The following ELP4 variants were observed in gnomAD, a reference collection of about 807,000 sequenced individuals.
The protein encoded by ELP4 is elongator acetyltransferase complex subunit 4.
A neutral mutation model predicts 48.9 loss-of-function variants in ELP4; 51 were observed. The observed-to-expected ratio is 1.04, with a 90% CI of 0.83 to 1.32. The LOEUF is 1.32. Among genes scored for constraint, ELP4 ranks in the 40% most tolerant of loss-of-function variants. The probability of loss-of-function intolerance (pLI) is 0.00; values close to 1 mark genes in which losing one functional copy is unlikely to be tolerated. For synonymous variants in ELP4, 210 were observed against 189.2 expected (o/e 1.11, Z -0.90); for missense variants, 519 against 514.6 (o/e 1.01, Z -0.08).
intron 9 of ELP4, chr11:31,763,422 C>A: frequency 1.2e-6 from 2 of 1,606,926 alleles, no homozygotes; most frequent in South Asian, 2.2e-5. Flanking sequence ...GGGTGCAAGA[C>A]AACTACTTGA....
intron 9 of ELP4, among the ~76,000 whole-genome samples, chr11:31,728,060 C>G (rs1317197745): frequency 6.6e-6 from 1 of 151,870 alleles, no homozygotes; most frequent in East Asian, 1.9e-4. Context: ...CCAAAAAAAG[C>G]ATATAAACAA....
chr11:31,597,398 A>G (rs1845756999), intron 4 of ELP4, among the ~76,000 whole-genome samples: 1 of 152,188 alleles, frequency 6.6e-6, no homozygotes, highest in South Asian at 2.1e-4. Context: ...AGGCCAGAAT[A>G]GAGGTTAGTC....
intron 9 of ELP4, among the ~76,000 whole-genome samples, chr11:31,703,204 C>T (rs1946563193): frequency 6.6e-6 from 1 of 152,130 alleles, no homozygotes; most frequent in Non-Finnish European, 1.5e-5. Context: ...CTAGGCCTTG[C>T]ACCAGTGGCA....
intron 9 of ELP4, among the ~76,000 whole-genome samples, chr11:31,684,587 A>G (rs1004603347): frequency 1.3e-5 from 2 of 152,210 alleles, no homozygotes; most frequent in African/African-American, 4.8e-5. Context: ...AGGACAGATC[A>G]TTGTAACCAA....
chr11:31,666,332 A>C (rs2134098682), intron 9 of ELP4, among the ~76,000 whole-genome samples: 1 of 152,210 alleles, frequency 6.6e-6, no homozygotes, highest in Non-Finnish European at 1.5e-5. Context: ...AATATTTTTA[A>C]AAATAGATTT....
chr11:31,716,286 T>G (rs1001825581), intron 9 of ELP4, among the ~76,000 whole-genome samples: 14 of 152,198 alleles, frequency 9.2e-5, no homozygotes, highest in African/African-American at 2.7e-4. Context: ...GTGCCGGGAT[T>G]GCAGGCACAA....
At chr11:31,722,787 C>T (rs1166695242) in intron 9 of ELP4, among the ~76,000 whole-genome samples, 5 of 151,934 alleles carry the variant, frequency 3.3e-5, no homozygotes, top group Non-Finnish European at 7.4e-5. Flanking sequence ...AGGTCATGCT[C>T]CTTCAGGCAC....
At chr11:31,755,669 T>A (rs1396277427) in intron 9 of ELP4, among the ~76,000 whole-genome samples, 1 of 151,408 alleles carries the variant, frequency 6.6e-6, no homozygotes, top group Non-Finnish European at 1.5e-5. Context: ...TGAGGAATTG[T>A]TATAGACTAG....
chr11:31,573,826 G>A (rs1957224469), intron 3 of ELP4, among the ~76,000 whole-genome samples: 1 of 149,592 alleles, frequency 6.7e-6, no homozygotes, highest in Non-Finnish European at 1.5e-5. Context: ...TCTCATTAGG[G>A]GATAGGACTT....
intron 2 of ELP4, among the ~76,000 whole-genome samples, chr11:31,524,039 T>C (rs1447168833): frequency 6.6e-6 from 1 of 152,178 alleles, no homozygotes; most frequent in African/African-American, 2.4e-5. Flanking sequence ...TTTTTTAAAA[T>C]AATCTTTTAC....
At chr11:31,765,014 C>T (rs1399417314) in intron 9 of ELP4, among the ~76,000 whole-genome samples, 1 of 152,118 alleles carries the variant, frequency 6.6e-6, no homozygotes. Context: ...ACCGTAATCC[C>T]CCTGACGACT....
chr11:31,757,032 T>G (rs573663725), intron 9 of ELP4, among the ~76,000 whole-genome samples: 2 of 152,332 alleles, frequency 1.3e-5, no homozygotes, highest in South Asian at 4.1e-4. Context: ...ACAATGCCAG[T>G]TTTTTGAAAA....
intron 9 of ELP4, among the ~76,000 whole-genome samples, chr11:31,724,058 T>C (rs1256051689): frequency 6.6e-6 from 1 of 152,196 alleles, no homozygotes. Context: ...AGATGGCTGC[T>C]CTAACCCTCA....
At chr11:31,578,540 A>G (rs1263680618) in intron 3 of ELP4, among the ~76,000 whole-genome samples, 1 of 152,208 alleles carries the variant, frequency 6.6e-6, no homozygotes, top group Non-Finnish European at 1.5e-5. Flanking sequence ...TTCCAACTAT[A>G]CTGCAAGGCT....
chr11:31,727,739 A>G lies in ELP4; in HGVS notation c.1144-55654A>G, dbSNP rs575045849. On this transcript the variant is annotated intron_variant, in intron 9 of 9. Coordinates refer to ENST00000640961, the MANE Select transcript of ELP4 (RefSeq NM_019040.5). Reference sequence around the variant, plus strand: ...CATAATAACTACTCGAATAATGAAGAATTATTGAATAATGAAGAAACTGAG... The same window carrying G: ...CATAATAACTACTCGAATAATGAAGGATTATTGAATAATGAAGAAACTGAG... 7 of 152,322 alleles carry G rather than the reference A, an allele frequency of 4.6e-5. No homozygotes were observed. In the South Asian group the frequency reaches 1.4e-3, roughly 32 times the overall value. The allele number at this position is 152,322 out of a possible 1,614,324, so 9.4% of individuals were successfully genotyped here. A position where few individuals can be genotyped will look rare whatever the true frequency, so the allele number is the denominator to read the frequency against.
chr11:31,780,848 G>A (rs534964583), intron 9 of ELP4: 8 of 152,288 alleles, frequency 5.3e-5, no homozygotes, highest in Non-Finnish European at 7.3e-5. Context: ...AGTATGACCC[G>A]TTAACTAAAT....
intron 9 of ELP4, chr11:31,767,768 C>G (rs1948070646): frequency 6.6e-6 from 1 of 152,148 alleles, no homozygotes; most frequent in African/African-American, 2.4e-5. Context: ...TTACTTCCCT[C>G]TGTGAAGTCA....
chr11:31,646,930 T>G (rs945370545), intron 7 of ELP4: 3 of 151,496 alleles, frequency 2.0e-5, no homozygotes, highest in African/African-American at 7.3e-5. Context: ...AGCCAGGAGA[T>G]TCTTAGTATT....
intron 3 of ELP4, among the ~76,000 whole-genome samples, chr11:31,565,147 A>T (rs925875606): frequency 4.6e-5 from 7 of 152,016 alleles, no homozygotes; most frequent in Non-Finnish European, 1.0e-4. Flanking sequence ...GCATTTTTTC[A>T]TGTGTCTGTT....
Sources: allele counts gnomAD v4.1 joint callset (sites outside exome capture counted in the v4.1 genomes callset), GRCh38; gene constraint gnomAD v4.1.1; transcripts MANE v1.5; gene names NCBI Gene and HGNC (gene_info 2026-07-23, HGNC 2026-07-21).